GSK3B: variants seen among roughly 807,000 people sequenced by gnomAD.
The protein encoded by GSK3B is glycogen synthase kinase-3 beta.
In GSK3B, 15 loss-of-function variants were observed where a neutral mutation model predicts 56.4. That is an observed-to-expected ratio of 0.27 (90% CI 0.18 to 0.41). The LOEUF (loss-of-function observed/expected upper bound fraction) is 0.41. Among genes scored for constraint, GSK3B ranks in the 10% least tolerant of loss-of-function variants. The pLI, the probability that GSK3B is intolerant of heterozygous loss-of-function variation, is 1.00. For synonymous variants in GSK3B, 181 were observed against 188.9 expected (o/e 0.96, Z 0.34); for missense variants, 300 against 513.4 (o/e 0.58, Z 4.02).
chr3:119,923,141 T>C (rs548272883), intron 4 of GSK3B, among the ~76,000 whole-genome samples: 46 of 152,300 alleles, frequency 3.0e-4, no homozygotes, highest in African/African-American at 1.1e-3. Flanking sequence ...CTGTGAAAAA[T>C]ATTCACTGTA....
chr3:119,826,975 C>T (rs907281109), intron 10 of GSK3B, 120 bp from the exon 11 acceptor site: 11 of 661,480 alleles, frequency 1.7e-5, no homozygotes, highest in African/African-American at 5.4e-5. Flanking sequence ...TTATTTGGAA[C>T]GTTGTTTTAA....
At chr3:119,833,488 T>C (rs1232639208) in intron 10 of GSK3B, among the ~76,000 whole-genome samples, 1 of 152,160 alleles carries the variant, frequency 6.6e-6, no homozygotes, top group African/African-American at 2.4e-5. Context: ...TAAGGCTATT[T>C]ATTTAAAGTA....
intron 7 of GSK3B, among the ~76,000 whole-genome samples, chr3:119,892,224 GC>G (rs1195999428): frequency 1.3e-5 from 2 of 152,052 alleles, no homozygotes; most frequent in Non-Finnish European, 2.9e-5. Flanking sequence ...TTAAAATCCT[GC>G]AATTGCTTCC....
In GSK3B at chr3:119,872,462, G is replaced by T. The variant is rs191333171; in HGVS notation, c.909+3951C>A. On this transcript the variant is annotated intron_variant, in intron 8 of 10. Coordinates refer to ENST00000264235, the MANE Select transcript of GSK3B (RefSeq NM_001146156.2). ...TATTTAACGCTAAATTTTCCTAAAG[G>T]CTATGAGGAATCAGAGAAGAATTTT... 4.6e-5 allele frequency among the ~76,000 whole-genome samples: 7 copies of T among 152,204 alleles called. No individual in the cohort carries two copies. In the South Asian group the frequency reaches 1.0e-3, roughly 23 times the overall value.
chr3:119,994,029 T>A (rs1480438886), intron 2 of GSK3B, among the ~76,000 whole-genome samples: 1 of 152,100 alleles, frequency 6.6e-6, no homozygotes, highest in African/African-American at 2.4e-5. Flanking sequence ...GCCCAGCTAT[T>A]TTTTTCTATT....
intron 3 of GSK3B, among the ~76,000 whole-genome samples, chr3:119,946,197 C>T (rs1375198486): frequency 1.3e-5 from 2 of 151,654 alleles, no homozygotes; most frequent in Non-Finnish European, 2.9e-5. Context: ...AATTATATGA[C>T]TGTAGGTATT....
At chr3:119,917,999 C>T (rs1337296617) in intron 4 of GSK3B, among the ~76,000 whole-genome samples, 2 of 151,924 alleles carry the variant, frequency 1.3e-5, no homozygotes, top group African/African-American at 4.8e-5. Context: ...GTAATAAGTA[C>T]TAATATTATT....
intron 2 of GSK3B, among the ~76,000 whole-genome samples, chr3:119,973,008 C>T (rs1234898561): frequency 1.3e-5 from 2 of 152,196 alleles, no homozygotes; most frequent in Non-Finnish European, 2.9e-5. Context: ...CCTGGCTCCT[C>T]AGAATTCTAC....
intron 7 of GSK3B, among the ~76,000 whole-genome samples, chr3:119,879,445 T>C (rs2056354653): frequency 6.6e-6 from 1 of 152,162 alleles, no homozygotes. Flanking sequence ...CCTCCCAAAG[T>C]GTTGGGATTA....
intron 2 of GSK3B, among the ~76,000 whole-genome samples, chr3:119,969,266 T>C (rs1173232051): frequency 6.7e-6 from 1 of 149,496 alleles, no homozygotes; most frequent in African/African-American, 2.5e-5. Context: ...TACTCCAGCC[T>C]GGGTGACAAA....
intron 2 of GSK3B, among the ~76,000 whole-genome samples, chr3:119,966,241 T>G (rs942461986): frequency 6.6e-6 from 1 of 152,076 alleles, no homozygotes; most frequent in African/African-American, 2.4e-5. Context: ...AAAGGTGAGG[T>G]GAAGTAGCTT....
At chr3:119,928,561 C>T (rs1281202629) in intron 3 of GSK3B, among the ~76,000 whole-genome samples, 9 of 133,402 alleles carry the variant, frequency 6.7e-5, no homozygotes. Context: ...GCTGAGATCA[C>T]ACCACTGCAC....
In GSK3B at chr3:119,821,392, CAG is replaced by C. The variant is rs1323046803; in HGVS notation, c.*5394_*5395del. The C allele has an allele frequency of 6.6e-6, 1 of 152,192 alleles. No individual in the cohort carries two copies. Among genetic ancestry groups the C allele is most frequent in the African/African-American group, 2.4e-5 (1 of 41,442 alleles). The allele number at this position is 152,192 out of a possible 1,614,324, so 9.4% of individuals were successfully genotyped here. ...TATCTAGCCTTTAGATTAGGCCTGA[CAG>C]AGTGAGCCAGCCCTAAAAAAATGAT... On this transcript the variant is annotated 3_prime_UTR_variant, in exon 11 of 11. Transcript: ENST00000264235.
At chr3:119,862,524 T>TA (rs5852229) in intron 9 of GSK3B, among the ~76,000 whole-genome samples, 71,069 of 113,038 alleles carry the variant, frequency 0.63, 21,856 homozygotes, top group East Asian at 0.81. Context: ...TAGAGTATAA[T>TA]AAAAAAAAAA....
In GSK3B at chr3:119,852,352, A is replaced by AT. The variant is rs60941551; in HGVS notation, c.1097-9000dup. On this transcript the variant is annotated intron_variant, in intron 9 of 10. Transcript: ENST00000264235. ...TTGAAAATCTTATATTCAGAACTCT[A>AT]TTTTTTTTTTTTTAAAGACAGAGTC... 5.5e-3 allele frequency among the ~76,000 whole-genome samples: 798 copies of AT among 145,206 alleles called. 3 individuals carry two copies. The highest frequency in any genetic ancestry group is 0.011 in the African/African-American group (449 of 39,904).
At chr3:119,972,175 A>G (rs1329138229) in intron 2 of GSK3B, among the ~76,000 whole-genome samples, 3 of 152,232 alleles carry the variant, frequency 2.0e-5, no homozygotes, top group African/African-American at 4.8e-5. Context: ...GTAAGAGCTA[A>G]TAACATTTTA....
At chr3:120,054,717 C>G (rs544001350) in intron 1 of GSK3B, among the ~76,000 whole-genome samples, 71 of 152,260 alleles carry the variant, frequency 4.7e-4, no homozygotes, top group African/African-American at 1.6e-3. Context: ...CACTGCTCAT[C>G]AGCTCATACA....
intron 8 of GSK3B, among the ~76,000 whole-genome samples, chr3:119,864,605 A>G (rs1297346364): frequency 2.0e-5 from 3 of 152,220 alleles, no homozygotes; most frequent in Non-Finnish European, 4.4e-5. Flanking sequence ...AAATGGAGGG[A>G]AACGGACCCA....
At chr3:119,867,011 G>C (rs2056192573) in intron 8 of GSK3B, among the ~76,000 whole-genome samples, 1 of 152,104 alleles carries the variant, frequency 6.6e-6, no homozygotes, top group Admixed American at 6.6e-5. Context: ...TCTATGACCT[G>C]GATTCATCAT....
Sources: allele counts gnomAD v4.1 joint callset (sites outside exome capture counted in the v4.1 genomes callset), GRCh38; gene constraint gnomAD v4.1.1; transcripts MANE v1.5; gene names NCBI Gene and HGNC (gene_info 2026-07-23, HGNC 2026-07-21).